XYLB: variants seen among roughly 807,000 people sequenced by gnomAD.
XYLB encodes the protein xylulose kinase.
XYLB carries 62 observed loss-of-function variants against 78.7 expected under a neutral mutation model. The ratio of observed to expected loss-of-function variants is 0.79; its 90% CI spans 0.64 to 0.97. XYLB has a LOEUF of 0.97. Ranked by LOEUF, XYLB falls within the 50% of genes least tolerant of loss-of-function variation. The pLI, the probability that XYLB is intolerant of heterozygous loss-of-function variation, is 0.00. For missense variants in XYLB, 687 were observed against 676.8 expected (o/e 1.02, Z -0.17); for synonymous variants, 245 against 247.4 (o/e 0.99, Z 0.09).
At chr3:38,350,489 C>T (rs1378411370) in intron 2 of XYLB, among the ~76,000 whole-genome samples, 1 of 152,058 alleles carries the variant, frequency 6.6e-6, no homozygotes, top group African/African-American at 2.4e-5. Context: ...GTTATCCTGG[C>T]TAGAGGTTTA....
At chr3:38,431,209 T>C in the XYLB span, among the ~76,000 whole-genome samples, 1 of 152,200 alleles carries the variant, frequency 6.6e-6, no homozygotes, top group Non-Finnish European at 1.5e-5. Context: ...TTCCATTTGT[T>C]TGTATCCTCT....
intron 2 of XYLB, among the ~76,000 whole-genome samples, chr3:38,350,333 T>A (rs1705294503): frequency 6.6e-6 from 1 of 152,244 alleles, no homozygotes; most frequent in Admixed American, 6.5e-5. Flanking sequence ...ATTGGTCTTT[T>A]CAACTAAGCC....
At chr3:38,419,895 C>T (rs1048610221), downstream of XYLB, among the ~76,000 whole-genome samples, 4 of 152,028 alleles carry the variant, frequency 2.6e-5, no homozygotes, top group African/African-American at 9.7e-5. Flanking sequence ...TCTCGGCTCA[C>T]TGCAATCTCT....
At chr3:38,391,992 T>TC (rs1473930655) in intron 15 of XYLB, among the ~76,000 whole-genome samples, 1 of 152,076 alleles carries the variant, frequency 6.6e-6, no homozygotes, top group Non-Finnish European at 1.5e-5. Flanking sequence ...CTTCACTCAG[T>TC]CCCCCCATGC....
At chr3:38,437,446 T>C in the XYLB span, among the ~76,000 whole-genome samples, 1 of 152,116 alleles carries the variant, frequency 6.6e-6, no homozygotes, top group African/African-American at 2.4e-5. Flanking sequence ...AAGGCATCCA[T>C]ATTGCAAAAG....
At chr3:38,420,153 C>T (rs1479342086) in exon 18 of XYLB, among the ~76,000 whole-genome samples, 2 of 152,150 alleles carry the variant, frequency 1.3e-5, no homozygotes, top group Non-Finnish European at 2.9e-5. Flanking sequence ...TTGTGTCTTG[C>T]AACTTTATTA....
At chr3:38,423,136 G>A (rs1215638167), downstream of XYLB, among the ~76,000 whole-genome samples, 5 of 152,060 alleles carry the variant, frequency 3.3e-5, no homozygotes, top group African/African-American at 9.7e-5. Context: ...GCAGTGGTGC[G>A]ATCTTGGCTC....
In XYLB at chr3:38,381,703, C is replaced by T. The variant is rs137885957; in HGVS notation, c.1291+2361C>T. On this transcript the variant is annotated intron_variant, in intron 15 of 18. Coordinates refer to ENST00000207870, the MANE Select transcript of XYLB (RefSeq NM_005108.4). ...CAGAGATGAAATAAACTCCAGTCTC[C>T]CATAGTGCTCCCAGGCTTATTAGGA... Among the ~76,000 whole-genome samples, 1,236 of 152,284 alleles carry T rather than the reference C, an allele frequency of 8.1e-3. 16 individuals are homozygous for T. Among genetic ancestry groups the T allele is most frequent in the African/African-American group, 0.027 (1,119 of 41,560 alleles).
intron 18 of XYLB, among the ~76,000 whole-genome samples, chr3:38,401,355 G>A (rs1708118044): frequency 6.6e-6 from 1 of 152,186 alleles, no homozygotes; most frequent in South Asian, 2.1e-4. Flanking sequence ...TAGCTGTGCA[G>A]TCACCCAGGC....
chr3:38,437,251 G>A, the XYLB span, among the ~76,000 whole-genome samples: 1 of 152,018 alleles, frequency 6.6e-6, no homozygotes, highest in African/African-American at 2.4e-5. Flanking sequence ...ATTAGGCAAT[G>A]AAGGAACATA....
intron 15 of XYLB, among the ~76,000 whole-genome samples, chr3:38,389,597 C>T (rs1471971073): frequency 6.7e-6 from 1 of 150,148 alleles, no homozygotes; most frequent in Non-Finnish European, 1.5e-5. Flanking sequence ...ACCTCCCTCC[C>T]GGACGGGGCG....
At chr3:38,432,790 C>CA in the XYLB span, among the ~76,000 whole-genome samples, 1 of 152,262 alleles carries the variant, frequency 6.6e-6, no homozygotes, top group Non-Finnish European at 1.5e-5. Context: ...TGGCTTTGGC[C>CA]AGCTCCACCT....
the XYLB span, among the ~76,000 whole-genome samples, chr3:38,439,821 G>T: frequency 6.6e-6 from 1 of 151,870 alleles, no homozygotes; most frequent in Non-Finnish European, 1.5e-5. Flanking sequence ...TCCTGTAAAC[G>T]CTGGGCGGCA....
chr3:38,440,798 TTCTATC>T, the XYLB span, among the ~76,000 whole-genome samples: 1 of 152,174 alleles, frequency 6.6e-6, no homozygotes, highest in Non-Finnish European at 1.5e-5. Context: ...TCTTTACTAC[TTCTATC>T]TCTCTCTCTT....
chr3:38,372,699 A>G lies in XYLB; in HGVS notation c.810A>G (p.Pro270=), dbSNP rs199526096. 2 of 1,614,170 alleles carry G rather than the reference A, an allele frequency of 1.2e-6. No individual in the cohort carries two copies. Among genetic ancestry groups the G allele is most frequent in the South Asian group, 1.1e-5 (1 of 91,074 alleles). The change falls in exon 10 of 19, where the codon CCA becomes CCG. Residue 270 remains proline, a synonymous_variant. Transcript: ENST00000207870. The part of the protein sequence containing the change: ...SYYVQRYGFP[P]GCKVVAFTGD... Reference sequence around the variant, plus strand: ...ACGTCCAGCGCTACGGATTTCCTCCAGGATGCAAAGTGGTGGCCTTCACTG... The same window carrying G: ...ACGTCCAGCGCTACGGATTTCCTCCGGGATGCAAAGTGGTGGCCTTCACTG...
downstream of XYLB, among the ~76,000 whole-genome samples, chr3:38,424,820 A>G (rs543903356): frequency 8.5e-5 from 13 of 152,342 alleles, no homozygotes; most frequent in Admixed American, 7.2e-4. Context: ...TTAAGAGTAG[A>G]ATGCACCCTT....
rs796497324 is a variant in XYLB, at chr3:38,408,802, C to T, written c.1534-4134C>T. 6.8e-4 allele frequency among the ~76,000 whole-genome samples: 104 copies of T among 152,140 alleles called. No homozygotes were observed. The South Asian group carries it at 0.022, about 32-fold the overall frequency. On this transcript the variant is annotated intron_variant, in intron 18 of 18. Coordinates refer to ENST00000207870, the MANE Select transcript of XYLB (RefSeq NM_005108.4). ...AAAATCTAGAAGAAATGGATAAATTCCTCGACACATACACCCTCCCAAGAC... is the reference window on the plus strand; with the variant it reads ...AAAATCTAGAAGAAATGGATAAATTTCTCGACACATACACCCTCCCAAGAC...
the XYLB span, among the ~76,000 whole-genome samples, chr3:38,435,448 A>C: frequency 6.6e-6 from 1 of 152,194 alleles, no homozygotes; most frequent in East Asian, 1.9e-4. Context: ...CATAAAGCAA[A>C]TATTATTAGA....
At chr3:38,397,987 T>G (rs530973960) in intron 17 of XYLB, among the ~76,000 whole-genome samples, 4 of 151,000 alleles carry the variant, frequency 2.6e-5, no homozygotes, top group Non-Finnish European at 5.9e-5. Flanking sequence ...CCCAGCTAAT[T>G]TTTTGTATTT....
Sources: allele counts gnomAD v4.1 joint callset (sites outside exome capture counted in the v4.1 genomes callset), GRCh38; gene constraint gnomAD v4.1.1; transcripts MANE v1.5; gene names NCBI Gene and HGNC (gene_info 2026-07-23, HGNC 2026-07-21).